MUC5AC: variants seen among roughly 807,000 people sequenced by gnomAD.
MUC5AC encodes mucin 5AC, oligomeric mucus/gel-forming.
MUC5AC carries 158 observed loss-of-function variants against 169.7 expected under a neutral mutation model. That is an observed-to-expected ratio of 0.93 (90% CI 0.82 to 1.06). The LOEUF (loss-of-function observed/expected upper bound fraction) is 1.06, where lower values mean the gene tolerates loss of function less well. Ranked by LOEUF, MUC5AC falls within the 50% of genes least tolerant of loss-of-function variation. MUC5AC has a pLI of 0.00. For missense variants in MUC5AC, 4,359 were observed against 3,089.9 expected (o/e 1.41, Z -9.74); for synonymous variants, 1,975 against 1,237.0 (o/e 1.60, Z -12.52).
rs1363469981 is a variant in MUC5AC at position 1,183,579 on chromosome 11, A to G, written c.5434A>G (p.Ser1812Gly). 4 of 637,514 alleles carry G rather than the reference A, an allele frequency of 6.3e-6. No homozygotes were observed. The Admixed American group carries it at 7.0e-5, about 11-fold the overall frequency. 39.5% of individuals were successfully genotyped at this position (637,514 alleles called of 1,614,324 possible). ...IEHLGQVVQC[S>G]REEGLVCRNQ... is the part of the protein sequence containing the mutation. ...ACACCTGGGCCAGGTGGTGCAGTGC[A>G]GCCGGGAAGAGGGCCTGGTGTGCCG... The change falls in exon 31 of 49, where the codon AGC (serine) becomes GGC (glycine). Residue 1812 changes from serine (S) to glycine (G), a missense_variant. Transcript: ENST00000621226.
chr11:1,175,004 GATGGCTGCATCTGTCCC>G lies in MUC5AC; in HGVS notation c.2217_2233del (p.Asp739GlufsTer66). 2.5e-6 allele frequency: 1 copy of G among 404,804 alleles called. No individual in the cohort carries two copies. Among genetic ancestry groups the G allele is most frequent in the Non-Finnish European group, 4.3e-6 (1 of 229,890 alleles). 25.1% of individuals were successfully genotyped at this position (404,804 alleles called of 1,614,324 possible). A position where few individuals can be genotyped will look rare whatever the true frequency, so the allele number is the denominator to read the frequency against. ...CTGCAGTGTTGGCTTCATCCCCGTGGATGGCTGCATCTGTCCCAAGGGCACCTTCCTGGACGACACGG... is the reference window on the plus strand; with the variant it reads ...CTGCAGTGTTGGCTTCATCCCCGTGGAAGGGCACCTTCCTGGACGACACGG... On this transcript the variant is annotated frameshift_variant, in exon 18 of 49. Transcript: ENST00000621226. LOFTEE classifies it high-confidence loss of function.
At chr11:1,164,385 G>A (rs1439347579) in intron 8 of MUC5AC, 22 bp from the exon 9 acceptor site, 1 of 1,612,062 alleles carries the variant, frequency 6.2e-7, no homozygotes, top group East Asian at 2.2e-5. Flanking sequence ...GCAGACGTGA[G>A]CCCTCTCTCT....
In MUC5AC at chr11:1,200,600, G is replaced by C. The variant is rs373253880; in HGVS notation, c.16863G>C (p.Ala5621=). The change falls in exon 49 of 49, where the codon GCG becomes GCC. Residue 5621 remains alanine (A), a synonymous_variant. Transcript: ENST00000621226. ...GCTGCATGGGCCGGCGGTGCCCTGC[G>C]CCGGGCGACACCCAGCACTCGGAGG... is the stretch of plus-strand genomic sequence containing the variant. ...ECGCMGRRCP[A]PGDTQHSEEA... is the part of the protein sequence containing the mutation. 1.7e-5 allele frequency: 13 copies of C among 764,390 alleles called. No individual in the cohort carries two copies. The highest frequency in any genetic ancestry group is 3.1e-5 in the Non-Finnish European group (13 of 417,554). 47.4% of individuals were successfully genotyped at this position (764,390 alleles called of 1,614,324 possible). A position where few individuals can be genotyped will look rare whatever the true frequency, so the allele number is the denominator to read the frequency against.
chr11:1,196,426 G>A lies in MUC5AC; in HGVS notation c.15676G>A (p.Gly5226Ser), dbSNP rs774074180. 13 of 764,882 alleles carry A rather than the reference G, an allele frequency of 1.7e-5. No homozygotes were observed. Among genetic ancestry groups the A allele is most frequent in the East Asian group, 2.4e-5 (1 of 41,250 alleles). The allele number at this position is 764,882 out of a possible 1,614,324, so 47.4% of individuals were successfully genotyped here. ...CPADKVYQPC[G>S]PSNPSYCYGN... ...AGCCGACAAGGTGTACCAGCCCTGC[G>A]GCCCGAGCAACCCCTCCTACTGCTA... The change falls in exon 38 of 49, where the codon GGC becomes AGC. Residue 5226 changes from glycine (G) to serine (S), a missense_variant. Gly to Ser is a moderately conservative substitution (Grantham distance 56, BLOSUM62 0). Coordinates refer to ENST00000621226, the MANE Select transcript of MUC5AC (RefSeq NM_001304359.2).
chr11:1,182,466 G>A lies in MUC5AC; in HGVS notation c.4321G>A (p.Ala1441Thr), dbSNP rs1297637858. The A allele has an allele frequency of 5.0e-6, 2 of 398,600 alleles. No homozygotes were observed. Among genetic ancestry groups the A allele is most frequent in the Non-Finnish European group, 8.8e-6 (2 of 226,134 alleles). The allele number at this position is 398,600 out of a possible 1,614,324, so 24.7% of individuals were successfully genotyped here. The change falls in exon 31 of 49, where the codon GCC becomes ACC. Residue 1441 changes from alanine (A) to threonine (T), a missense_variant. Transcript: ENST00000621226. ...GGACGCCCCCGGAGTGCCGCTCCGA[G>A]CCCTGGGGCAGCGTGTGCAGTGCAG... ...AEDAPGVPLR[A>T]LGQRVQCSPD...
At chr11:1,194,788 G>A in intron 35 of MUC5AC, 118 bp downstream of exon 35, 1 of 625,990 alleles carries the variant, frequency 1.6e-6, no homozygotes. Flanking sequence ...CTGCTCTGCT[G>A]AGTGCAGGCC....
intron 15 of MUC5AC, among the ~76,000 whole-genome samples, chr11:1,171,019 TTCACCCACTCAC>T (rs1860503595): frequency 5.2e-5 from 3 of 57,744 alleles, no homozygotes; most frequent in Admixed American, 1.6e-4. Context: ...CATTCACCCA[TTCACCCACTCAC>T]TCACCCACTC....
intron 16 of MUC5AC, among the ~76,000 whole-genome samples, chr11:1,173,890 A>G (rs1208907899): frequency 7.0e-6 from 1 of 143,670 alleles, no homozygotes; most frequent in East Asian, 2.0e-4. Flanking sequence ...CCACTCACTC[A>G]TCCACTCATT....
Position 1,186,657 on chromosome 11 carries a change from C to T in MUC5AC, c.8512C>T (p.Pro2838Ser). 1 of 732,966 alleles carries T rather than the reference C, an allele frequency of 1.4e-6. No individual in the cohort carries two copies. Among genetic ancestry groups the T allele is most frequent in the Non-Finnish European group, 2.5e-6 (1 of 403,124 alleles). 45.4% of individuals were successfully genotyped at this position (732,966 alleles called of 1,614,324 possible). The change falls in exon 31 of 49, where the codon CCT becomes TCT. Residue 2838 changes from proline (P) to serine (S), a missense_variant. Pro to Ser is a moderately conservative substitution (Grantham distance 74, BLOSUM62 -1). Transcript: ENST00000621226. ...TTSGPGTTSS[P>S]VPTTSTTSAP... is the part of the protein sequence containing the mutation. ...TTCTGGTCCTGGAACTACTTCAAGC[C>T]CTGTTCCCACCACCAGCACAACCTC...
chr11:1,161,703 G>C, intron 3 of MUC5AC, 117 bp downstream of exon 3: 1 of 1,311,898 alleles, frequency 7.6e-7, no homozygotes, highest in Non-Finnish European at 1.0e-6. Flanking sequence ...ACACTGGGTG[G>C]GTATTGGAGC....
Position 1,186,792 on chromosome 11 carries a change from A to C in MUC5AC, c.8647A>C (p.Thr2883Pro). ...TTSTTSGPGT[T>P]PSPVPTTSTT... ...CAGCACAACCTCTGGCCCTGGAACT[A>C]CTCCCAGCCCTGTTCCCACCACCAG... Residue 2883 changes from threonine to proline, a missense_variant, in exon 31 of 49, where the codon ACT becomes CCT. By Grantham distance (38) the Thr-to-Pro change is conservative (BLOSUM62 -1). Transcript: ENST00000621226. The C allele has an allele frequency of 1.3e-6, 1 of 741,990 alleles. No homozygotes were observed. The highest frequency in any genetic ancestry group is 2.5e-6 in the Non-Finnish European group (1 of 406,462). The allele number at this position is 741,990 out of a possible 1,614,324, so 46.0% of individuals were successfully genotyped here. A position where few individuals can be genotyped will look rare whatever the true frequency, so the allele number is the denominator to read the frequency against.
At position 1,187,603 on chromosome 11, in the gene MUC5AC, G is replaced by A. The variant is rs2133761016; in HGVS notation, c.9458G>A (p.Gly3153Glu). 1.3e-6 allele frequency: 1 copy of A among 760,684 alleles called. No homozygotes were observed. Among genetic ancestry groups the A allele is most frequent in the Non-Finnish European group, 2.4e-6 (1 of 415,952 alleles). The allele number at this position is 760,684 out of a possible 1,614,324, so 47.1% of individuals were successfully genotyped here. Reference sequence around the variant, plus strand: ...ACAGCCAGCAAAACCTCTGGTCCTGGAACCACTCCCAGCCCTGTTCCCACC... The same window carrying A: ...ACAGCCAGCAAAACCTCTGGTCCTGAAACCACTCCCAGCCCTGTTCCCACC... Reference protein sequence around the residue: ...ASTASKTSGPGTTPSPVPTTS... With the variant: ...ASTASKTSGPETTPSPVPTTS... The change falls in exon 31 of 49, where the codon GGA becomes GAA. Residue 3153 changes from glycine to glutamate, a missense_variant. By Grantham distance (98) the Gly-to-Glu change is moderately conservative. Coordinates refer to ENST00000621226, the MANE Select transcript of MUC5AC (RefSeq NM_001304359.2).
chr11:1,195,540 C>T lies in MUC5AC; in HGVS notation c.15458+261C>T, dbSNP rs574637567. Among the ~76,000 whole-genome samples the T allele has an allele frequency of 3.3e-5, 5 of 152,000 alleles. No individual in the cohort carries two copies. In the South Asian group the frequency reaches 6.2e-4, roughly 19 times the overall value. On this transcript the variant is annotated intron_variant, in intron 36 of 48. Transcript: ENST00000621226. ...GGTCACCAGGGTTGGCCGGCTGGGC[C>T]GTCTCTGAGGCTCTCTGCTGGCTCA...
At chr11:1,165,913 C>CT (rs1235307011) in intron 11 of MUC5AC, among the ~76,000 whole-genome samples, 153 bp downstream of exon 11, 4 of 152,096 alleles carry the variant, frequency 2.6e-5, no homozygotes, top group African/African-American at 4.8e-5. Context: ...ACTCCAGCTC[C>CT]CCAGCGCTAG....
intron 11 of MUC5AC, among the ~76,000 whole-genome samples, chr11:1,167,650 T>C (rs2133725291): frequency 6.6e-6 from 1 of 152,348 alleles, no homozygotes; most frequent in Admixed American, 6.5e-5. Flanking sequence ...CAGAGGGTCC[T>C]ATAGTTGGCG....
rs35915689 is a variant in MUC5AC at position 1,197,925 on chromosome 11, C to T, written c.16056C>T (p.Pro5352=). ...CAGCCTGCAACACCAGCCGCTGCCC[C>T]GCGCCCGTGGGCTGTCCTGAGGGCG... ...YSCACNTSRC[P]APVGCPEGAR... Residue 5352 remains proline, a synonymous_variant, in exon 42 of 49, where the codon CCC becomes CCT. Coordinates refer to ENST00000621226, the MANE Select transcript of MUC5AC (RefSeq NM_001304359.2). 8.2e-6 allele frequency: 6 copies of T among 730,204 alleles called. No homozygotes were observed. The highest frequency in any genetic ancestry group is 1.8e-5 in the Admixed American group (1 of 54,276). 45.2% of individuals were successfully genotyped at this position (730,204 alleles called of 1,614,324 possible).
Position 1,187,875 on chromosome 11 carries a change from G to A in MUC5AC, c.9730G>A (p.Gly3244Arg), listed in dbSNP as rs1554928377. Reference sequence around the variant, plus strand: ...CTTCCCATCCCCTGGACCCCACGGCGGGGACAAGGAAACCTACAACAACAT... The same window carrying A: ...CTTCCCATCCCCTGGACCCCACGGCAGGGACAAGGAAACCTACAACAACAT... ...IDFPSPGPHG[G>R]DKETYNNIIR... is the part of the protein sequence containing the mutation. The change falls in exon 31 of 49, where the codon GGG becomes AGG. Residue 3244 changes from glycine to arginine, a missense_variant. Physicochemically the swap from Gly to Arg is moderately radical, Grantham distance 125. Coordinates refer to ENST00000621226, the MANE Select transcript of MUC5AC (RefSeq NM_001304359.2). 3.3e-5 allele frequency: 25 copies of A among 762,018 alleles called. No homozygotes were observed. The highest frequency in any genetic ancestry group is 2.2e-4 in the Middle Eastern group (1 of 4,450). The allele number at this position is 762,018 out of a possible 1,614,324, so 47.2% of individuals were successfully genotyped here.
At position 1,195,418 on chromosome 11, in the gene MUC5AC, G is replaced by T. The variant is rs928432728; in HGVS notation, c.15458+139G>T. 21 of 629,018 alleles carry T rather than the reference G, an allele frequency of 3.3e-5. No homozygotes were observed. In the African/African-American group the frequency reaches 3.6e-4, roughly 11 times the overall value. 39.0% of individuals were successfully genotyped at this position (629,018 alleles called of 1,614,324 possible). ...GCTGCTGGTACCACAGACCAAGGAG[G>T]GGTGGGTGTTGGGGAGAAGTGGGTG... is the stretch of plus-strand genomic sequence containing the variant. On this transcript the variant is annotated intron_variant, in intron 36 of 48. Coordinates refer to ENST00000621226, the MANE Select transcript of MUC5AC (RefSeq NM_001304359.2).
At chr11:1,199,788 G>A (rs1446962428) in intron 47 of MUC5AC, 24 bp downstream of exon 47, 3 of 723,238 alleles carry the variant, frequency 4.1e-6, no homozygotes, top group South Asian at 2.9e-5. Context: ...CTGCTGGGCG[G>A]GGCGGGCTCC....
Sources: allele counts gnomAD v4.1 joint callset (sites outside exome capture counted in the v4.1 genomes callset), GRCh38; gene constraint gnomAD v4.1.1; transcripts MANE v1.5; gene names NCBI Gene and HGNC (gene_info 2026-07-23, HGNC 2026-07-21).